Variants in PCDH9 observed in about 807,000 individuals in gnomAD.
The protein encoded by PCDH9 is protocadherin 9.
In PCDH9, 24 loss-of-function variants were observed where a neutral mutation model predicts 70.6. The ratio of observed to expected loss-of-function variants is 0.34; its 90% CI spans 0.25 to 0.48. The LOEUF (loss-of-function observed/expected upper bound fraction) is 0.48, where lower values mean the gene tolerates loss of function less well. Among genes scored for constraint, PCDH9 ranks in the 20% least tolerant of loss-of-function variants. PCDH9 has a pLI of 0.99. For missense variants in PCDH9, 1,281 were observed against 1,503.6 expected, an observed-to-expected ratio of 0.85 and a Z score of 2.45; for synonymous variants, 562 against 558.5, an observed-to-expected ratio of 1.01 and a Z score of -0.09.
At chr13:66,659,565 GGT>G (rs1395891354) in intron 3 of PCDH9, among the ~76,000 whole-genome samples, 10 of 151,774 alleles carry the variant, frequency 6.6e-5, no homozygotes, top group African/African-American at 2.4e-4. Context: ...GTGTGTGTTT[GGT>G]AGAACAAGCA....
intron 2 of PCDH9, among the ~76,000 whole-genome samples, chr13:67,109,304 A>G (rs1040839365): frequency 1.3e-5 from 2 of 152,076 alleles, no homozygotes; most frequent in East Asian, 1.9e-4. Flanking sequence ...ACCAGTTAGG[A>G]TCTTGGTTTA....
At chr13:67,138,248 T>G (rs1423485431) in intron 2 of PCDH9, among the ~76,000 whole-genome samples, 2 of 152,188 alleles carry the variant, frequency 1.3e-5, no homozygotes, top group Admixed American at 1.3e-4. Context: ...ATTGAAGTGT[T>G]GTGAGAACCA....
intron 3 of PCDH9, among the ~76,000 whole-genome samples, chr13:66,878,535 T>C (rs1034744947): frequency 6.6e-6 from 1 of 152,136 alleles, no homozygotes; most frequent in Non-Finnish European, 1.5e-5. Flanking sequence ...CCGGGACTAA[T>C]TTTTTTAAAA....
intron 4 of PCDH9, among the ~76,000 whole-genome samples, chr13:66,404,904 C>T (rs1957253518): frequency 6.6e-6 from 1 of 152,114 alleles, no homozygotes; most frequent in African/African-American, 2.4e-5. Flanking sequence ...TTATAACATA[C>T]TGTAAAACCA....
chr13:66,702,950 AC>A (rs1323748750), intron 3 of PCDH9, among the ~76,000 whole-genome samples: 1 of 152,226 alleles, frequency 6.6e-6, no homozygotes, highest in Non-Finnish European at 1.5e-5. Context: ...GTTTTGAAAC[AC>A]AAAATGCCAA....
Position 66,568,672 on chromosome 13 carries a change from C to CA in PCDH9, c.3340+62537dup, listed in dbSNP as rs971883483. 3.9e-3 allele frequency among the ~76,000 whole-genome samples: 481 copies of CA among 124,402 alleles called. 1 individual carries two copies. The highest frequency in any genetic ancestry group is 4.7e-3 in the Admixed American group (56 of 12,020). The allele number at this position is 124,402 out of a possible 152,430, so 81.6% of individuals were successfully genotyped here. ...GAATGACAGGGGAAAAACCCTGTCT[C>CA]AAAAAAAAAAAAGAAAATGATTTGC... is the stretch of plus-strand genomic sequence containing the variant. On this transcript the variant is annotated intron_variant, in intron 4 of 4. Transcript: ENST00000377865.
rs200473950 is a variant in PCDH9, at chr13:66,914,830, T to C, written c.3037-11225A>G. 5.9e-5 allele frequency: 9 copies of C among 151,900 alleles called. No individual in the cohort carries two copies. In the East Asian group the frequency reaches 1.7e-3, roughly 29 times the overall value. 9.4% of individuals were successfully genotyped at this position (151,900 alleles called of 1,614,324 possible). On this transcript the variant is annotated intron_variant, in intron 2 of 4. Transcript: ENST00000377865. ...TCTCACAGATATATTCAGCAACATATATATGATTTTAGAAAATTCAAAATG... is the reference window on the plus strand; with the variant it reads ...TCTCACAGATATATTCAGCAACATACATATGATTTTAGAAAATTCAAAATG...
At chr13:67,163,560 T>C (rs890841960) in intron 2 of PCDH9, among the ~76,000 whole-genome samples, 2 of 152,228 alleles carry the variant, frequency 1.3e-5, no homozygotes, top group African/African-American at 2.4e-5. Context: ...TAACATCTCA[T>C]TTTATCTTGT....
chr13:66,806,036 G>A (rs7319172), intron 3 of PCDH9, among the ~76,000 whole-genome samples: 76,066 of 151,274 alleles, frequency 0.5, 20,569 homozygotes, highest in East Asian at 0.66. Context: ...AAATATATAT[G>A]TTTTTAATAG....
At chr13:66,909,980 A>G (rs1435170885) in intron 2 of PCDH9, among the ~76,000 whole-genome samples, 3 of 152,034 alleles carry the variant, frequency 2.0e-5, no homozygotes, top group East Asian at 3.9e-4. Context: ...ACACCCTTCA[A>G]TACTCTCTTG....
chr13:66,454,342 T>C (rs9634933), intron 4 of PCDH9, among the ~76,000 whole-genome samples: 8,647 of 152,230 alleles, frequency 0.057, 650 homozygotes, highest in East Asian at 0.43. Context: ...TTAGCACCTA[T>C]AATGTTTAAG....
At chr13:66,708,403 G>GTTTTTTTTTTTTTTTTTTT (rs36087870) in intron 3 of PCDH9, among the ~76,000 whole-genome samples, 1 of 136,988 alleles carries the variant, frequency 7.3e-6, no homozygotes, top group Non-Finnish European at 1.5e-5. Flanking sequence ...TTGAGATTTA[G>GTTTTTTTTTTTTTTTTTTT]TTTTTTTTTT....
chr13:66,527,242 AC>A (rs751594113), intron 4 of PCDH9, among the ~76,000 whole-genome samples: 52 of 151,638 alleles, frequency 3.4e-4, no homozygotes, highest in Non-Finnish European at 6.5e-4. Flanking sequence ...ATAGCTGGTC[AC>A]CTTTTTTTAT....
chr13:66,945,855 TATGTGTCTTAGG>T (rs780741080), intron 2 of PCDH9, among the ~76,000 whole-genome samples: 10 of 152,174 alleles, frequency 6.6e-5, no homozygotes, highest in Non-Finnish European at 1.2e-4. Context: ...TACTCATGGG[TATGTGTCTTAGG>T]ATGGAATTGC....
chr13:66,506,397 G>A (rs1041023927), intron 4 of PCDH9, among the ~76,000 whole-genome samples: 46 of 152,126 alleles, frequency 3.0e-4, no homozygotes, highest in African/African-American at 9.9e-4. Flanking sequence ...CCCTCTTACC[G>A]TGGAAGACGG....
chr13:66,999,415 T>C (rs1296209389), intron 2 of PCDH9, among the ~76,000 whole-genome samples: 1 of 152,190 alleles, frequency 6.6e-6, no homozygotes, highest in Non-Finnish European at 1.5e-5. Context: ...TTTGAATTTT[T>C]AAACTAAATA....
intron 3 of PCDH9, among the ~76,000 whole-genome samples, chr13:66,746,376 T>G (rs2079363649): frequency 6.6e-6 from 1 of 152,196 alleles, no homozygotes; most frequent in African/African-American, 2.4e-5. Context: ...TTAATGTATG[T>G]AAATATCTGA....
intron 3 of PCDH9, among the ~76,000 whole-genome samples, chr13:66,718,443 T>C (rs1444147454): frequency 1.3e-5 from 2 of 152,150 alleles, no homozygotes; most frequent in Non-Finnish European, 2.9e-5. Context: ...ACTCCAGATG[T>C]AGTTAATTTT....
chr13:66,828,845 TG>T (rs1270916272), intron 3 of PCDH9, among the ~76,000 whole-genome samples: 1 of 123,426 alleles, frequency 8.1e-6, no homozygotes, highest in African/African-American at 2.7e-5. Flanking sequence ...AACAACAATG[TG>T]GGGATAAAAA....
Sources: gnomAD v4.1 joint callset for allele counts (sites outside exome capture counted in the v4.1 genomes callset) on GRCh38, gnomAD v4.1.1 for gene constraint, MANE v1.5 for transcripts, NCBI Gene and HGNC (gene_info 2026-07-23, HGNC 2026-07-21) for gene names.